The following GABRG3 variants were observed in gnomAD, a reference collection of about 807,000 sequenced individuals.
The protein encoded by GABRG3 is gamma-aminobutyric acid receptor subunit gamma-3.
In GABRG3, 25 loss-of-function variants were observed where a neutral mutation model predicts 48.8. The ratio of observed to expected loss-of-function variants is 0.51; its 90% CI spans 0.37 to 0.72. The LOEUF (loss-of-function observed/expected upper bound fraction) is 0.72, where lower values mean the gene tolerates loss of function less well. Ranked by LOEUF, GABRG3 falls within the 30% of genes least tolerant of loss-of-function variation. The pLI is 0.00. For missense variants in GABRG3, 394 were observed against 577.9 expected, an observed-to-expected ratio of 0.68 and a Z score of 3.26; for synonymous variants, 227 against 217.6, an observed-to-expected ratio of 1.04 and a Z score of -0.38.
intron 3 of GABRG3, among the ~76,000 whole-genome samples, chr15:27,129,044 A>G (rs1238300067): frequency 6.6e-6 from 1 of 152,224 alleles, no homozygotes; most frequent in African/African-American, 2.4e-5. Flanking sequence ...AAATATACAT[A>G]ACATAGAACA....
chr15:27,039,905 A>G (rs1490701019), intron 3 of GABRG3, among the ~76,000 whole-genome samples: 1 of 152,066 alleles, frequency 6.6e-6, no homozygotes. Flanking sequence ...TTATGCAACC[A>G]CTCACCGAGG....
At chr15:27,093,840 G>A (rs1897232470) in intron 3 of GABRG3, among the ~76,000 whole-genome samples, 1 of 152,116 alleles carries the variant, frequency 6.6e-6, no homozygotes, top group Non-Finnish European at 1.5e-5. Context: ...CGTGTAAATG[G>A]GTTCATGCCT....
At chr15:27,087,910 G>A (rs1897107750) in intron 3 of GABRG3, among the ~76,000 whole-genome samples, 1 of 149,984 alleles carries the variant, frequency 6.7e-6, no homozygotes, top group Non-Finnish European at 1.5e-5. Context: ...ATGTGTGAGT[G>A]TGGTGTGCTG....
At chr15:27,454,399 T>C (rs1889200764) in intron 5 of GABRG3, among the ~76,000 whole-genome samples, 1 of 152,172 alleles carries the variant, frequency 6.6e-6, no homozygotes, top group African/African-American at 2.4e-5. Context: ...GAGGTCTACA[T>C]GCAGGAAAGT....
At chr15:27,156,099 A>T (rs1898416445) in intron 3 of GABRG3, among the ~76,000 whole-genome samples, 1 of 152,002 alleles carries the variant, frequency 6.6e-6, no homozygotes, top group Admixed American at 6.6e-5. Flanking sequence ...AGAGATCGAG[A>T]CCATCCTGGC....
intron 5 of GABRG3, among the ~76,000 whole-genome samples, chr15:27,432,271 G>A (rs916357932): frequency 1.6e-4 from 24 of 151,952 alleles, no homozygotes; most frequent in Admixed American, 1.4e-3. Context: ...TCCTACCTTC[G>A]TGCTATTAAT....
chr15:27,415,387 C>T (rs1024521242), intron 5 of GABRG3, among the ~76,000 whole-genome samples: 10 of 152,070 alleles, frequency 6.6e-5, no homozygotes, highest in African/African-American at 2.2e-4. Flanking sequence ...CTTTTTGGTT[C>T]TTTCTTAGAA....
intron 5 of GABRG3, chr15:27,340,969 T>TG: frequency 2.0e-6 from 1 of 508,398 alleles, no homozygotes; most frequent in Non-Finnish European, 3.9e-6. Context: ...GCTTTTGTTT[T>TG]GGGGTGTGTT....
intron 2 of GABRG3, among the ~76,000 whole-genome samples, chr15:26,977,416 C>T (rs1007413902): frequency 3.3e-5 from 5 of 152,090 alleles, no homozygotes; most frequent in Non-Finnish European, 7.4e-5. Context: ...CTTCATCAAC[C>T]GAAAGTGGAT....
intron 3 of GABRG3, among the ~76,000 whole-genome samples, chr15:27,087,887 GGT>G (rs563556932): frequency 8.7e-5 from 13 of 149,510 alleles, no homozygotes; most frequent in South Asian, 8.6e-4. Flanking sequence ...TGTGCTATGG[GGT>G]GTGTGTGTGC....
At chr15:27,354,293 G>C (rs971135287) in intron 5 of GABRG3, among the ~76,000 whole-genome samples, 3 of 152,220 alleles carry the variant, frequency 2.0e-5, no homozygotes, top group South Asian at 2.1e-4. Flanking sequence ...AAGCCCCTGC[G>C]TACCTCCTTC....
chr15:27,473,391 AG>A (rs1595778518), intron 5 of GABRG3, among the ~76,000 whole-genome samples: 3 of 152,298 alleles, frequency 2.0e-5, no homozygotes, highest in Admixed American at 6.5e-5. Flanking sequence ...AATTTTTTAC[AG>A]GGGAAAGTGC....
At chr15:27,116,007 A>T (rs1222409943) in intron 3 of GABRG3, among the ~76,000 whole-genome samples, 2 of 152,194 alleles carry the variant, frequency 1.3e-5, no homozygotes, top group East Asian at 3.9e-4. Context: ...ATATGCAAGG[A>T]ACAGAGGGTG....
chr15:27,332,483 G>A (rs561088599), intron 5 of GABRG3, among the ~76,000 whole-genome samples: 47 of 152,164 alleles, frequency 3.1e-4, no homozygotes, highest in Non-Finnish European at 5.0e-4. Flanking sequence ...GCAGTGAGCC[G>A]AGATCACGCC....
chr15:27,276,614 G>A (rs1187046447), intron 3 of GABRG3, among the ~76,000 whole-genome samples: 1 of 152,134 alleles, frequency 6.6e-6, no homozygotes, highest in Non-Finnish European at 1.5e-5. Flanking sequence ...AGAGAGTTGG[G>A]AATGGGAATG....
At chr15:27,200,877 A>AT (rs1454731830) in intron 3 of GABRG3, among the ~76,000 whole-genome samples, 3 of 151,860 alleles carry the variant, frequency 2.0e-5, no homozygotes, top group African/African-American at 4.8e-5. Context: ...TTCACTACAA[A>AT]TTTTTTACTG....
chr15:27,477,957 A>C (rs1337111580), intron 5 of GABRG3, among the ~76,000 whole-genome samples: 1 of 151,906 alleles, frequency 6.6e-6, no homozygotes, highest in East Asian at 1.9e-4. Context: ...GAGGTAGGAG[A>C]ATGGCGTGAA....
chr15:27,026,083 A>T (rs1361951578), intron 2 of GABRG3, among the ~76,000 whole-genome samples: 2 of 152,236 alleles, frequency 1.3e-5, no homozygotes, highest in Non-Finnish European at 2.9e-5. Flanking sequence ...AGAGAGATCA[A>T]CCTGTGATTA....
intron 5 of GABRG3, among the ~76,000 whole-genome samples, chr15:27,398,866 A>C (rs769948654): frequency 6.6e-6 from 1 of 152,220 alleles, no homozygotes; most frequent in Non-Finnish European, 1.5e-5. Context: ...ACAAGAAAGC[A>C]GATCAGGCAG....
Sources: gnomAD v4.1 joint callset for allele counts (sites outside exome capture counted in the v4.1 genomes callset) on GRCh38, gnomAD v4.1.1 for gene constraint, MANE v1.5 for transcripts, NCBI Gene and HGNC (gene_info 2026-07-23, HGNC 2026-07-21) for gene names.